The following RGS10 variants were observed in gnomAD, a reference collection of about 807,000 sequenced individuals.
The protein encoded by RGS10 is regulator of G-protein signalling 10.
In RGS10, 11 loss-of-function variants were observed where a neutral mutation model predicts 23.5. The ratio of observed to expected loss-of-function variants is 0.47; its 90% CI spans 0.29 to 0.77. The LOEUF (loss-of-function observed/expected upper bound fraction) is 0.77, where lower values mean the gene tolerates loss of function less well. Ranked by LOEUF, RGS10 falls within the 30% of genes least tolerant of loss-of-function variation. The pLI is 0.08. For missense variants in RGS10, 180 were observed against 226.3 expected (o/e 0.80, Z 1.31); for synonymous variants, 77 against 83.2 (o/e 0.92, Z 0.41).
chr10:119,532,258 C>G (rs534798186), intron 1 of RGS10, among the ~76,000 whole-genome samples: 1 of 152,150 alleles, frequency 6.6e-6, no homozygotes, highest in Non-Finnish European at 1.5e-5. Flanking sequence ...ACAGCATTTG[C>G]AAACTCCACT....
chr10:119,531,641 A>G (rs1278356976), intron 1 of RGS10, among the ~76,000 whole-genome samples: 1 of 152,078 alleles, frequency 6.6e-6, no homozygotes, highest in Non-Finnish European at 1.5e-5. Flanking sequence ...CACCTCCCCC[A>G]CCACCTCATT....
At chr10:119,521,634 G>GGAAGGAA (rs1844218739) in intron 3 of RGS10, among the ~76,000 whole-genome samples, 1 of 71,490 alleles carries the variant, frequency 1.4e-5, no homozygotes, top group African/African-American at 5.3e-5. Context: ...AAGAAAGGAA[G>GGAAGGAA]GAAGGAAGGA....
At chr10:119,522,658 C>T (rs1385693839) in intron 3 of RGS10, among the ~76,000 whole-genome samples, 1 of 147,834 alleles carries the variant, frequency 6.8e-6, no homozygotes, top group Non-Finnish European at 1.5e-5. Context: ...GCGGAGATTG[C>T]AGTGAGCAGA....
In RGS10 at chr10:119,500,343, C is replaced by G. The variant is rs536980273; in HGVS notation, c.400-84G>C. ...CCCATCAGATATGTATTAATACCTACCATGTGCCAAAGAATACTAACATGT... is the reference window on the plus strand; with the variant it reads ...CCCATCAGATATGTATTAATACCTAGCATGTGCCAAAGAATACTAACATGT... On this transcript the variant is annotated intron_variant, in intron 4 of 4. Transcript: ENST00000369103. 130 of 1,251,478 alleles carry G rather than the reference C, an allele frequency of 1.0e-4. 1 individual carries two copies. The South Asian group carries it at 1.9e-3, about 19-fold the overall frequency. The allele number at this position is 1,251,478 out of a possible 1,614,324, so 77.5% of individuals were successfully genotyped here.
In RGS10 at chr10:119,527,412, C is replaced by T; in HGVS notation, c.62G>A (p.Ser21Asn). The change falls in exon 2 of 5, where the codon AGC (serine) becomes AAC (asparagine). Residue 21 changes from serine to asparagine, a missense_variant. Transcript: ENST00000369103. The surrounding 1 kb of genome is among the most constrained non-coding windows in gnomAD (Gnocchi z 4.2). Reference sequence around the variant, plus strand: ...GTGGCTGCTGCTGGAACTGCCATCGCTGTCGTGGATGTCTGCAAAGCAAAG... The same window carrying T: ...GTGGCTGCTGCTGGAACTGCCATCGTTGTCGTGGATGTCTGCAAAGCAAAG... ...RKRPPSDIHD[S>N]DGSSSSSHQS... 6.2e-7 allele frequency: 1 copy of T among 1,614,080 alleles called. No homozygotes were observed. Among genetic ancestry groups the T allele is most frequent in the Non-Finnish European group, 8.5e-7 (1 of 1,179,890 alleles).
chr10:119,522,030 G>A (rs577869266), intron 3 of RGS10, among the ~76,000 whole-genome samples: 1 of 152,204 alleles, frequency 6.6e-6, no homozygotes, highest in African/African-American at 2.4e-5. Flanking sequence ...ATGAGGGAAT[G>A]ACTCAGGAGA....
At chr10:119,541,242 A>G (rs907722238) in intron 1 of RGS10, among the ~76,000 whole-genome samples, 2 of 152,186 alleles carry the variant, frequency 1.3e-5, no homozygotes, top group African/African-American at 4.8e-5. Context: ...TGCCAACCAT[A>G]GAGACTGGTT....
At chr10:119,518,477 G>T (rs10886505) in intron 3 of RGS10, among the ~76,000 whole-genome samples, 56,698 of 151,998 alleles carry the variant, frequency 0.37, 11,562 homozygotes, top group African/African-American at 0.55. Flanking sequence ...TCTCGAACCC[G>T]GCTCCCTGCA....
chr10:119,518,917 G>C lies in RGS10; in HGVS notation c.256-3265C>G, dbSNP rs766740717. On this transcript the variant is annotated intron_variant, in intron 3 of 4. Transcript: ENST00000369103. The stretch of plus-strand genomic sequence containing the variant: ...GACGGGGTTTCACCATGTTGGCCAG[G>C]CTGCTCTCGAACTCCCAGCCTCAAG... Among the ~76,000 whole-genome samples the C allele has an allele frequency of 4.9e-4, 74 of 152,154 alleles. 3 individuals carry two copies. Among genetic ancestry groups the C allele is most frequent in the Non-Finnish European group, 2.1e-4 (14 of 68,024 alleles).
chr10:119,527,339 C>A lies in RGS10; in HGVS notation c.135G>T (p.Leu45=), dbSNP rs1844286991. Residue 45 remains leucine (L), a synonymous_variant, in exon 2 of 5, where the codon CTG becomes CTT. Transcript: ENST00000369103. This position sits in a 1 kb window ranked among gnomAD's most constrained non-coding sequence, Gnocchi z 4.2. ...TAKWAASLEN[L]LEDPEGVKRF... is the part of the protein sequence containing the mutation. Reference sequence around the variant, plus strand: ...TTTTCACGCCTTCTGGGTCTTCCAGCAGATTCTCCAGGGATGCCGCCCATT... The same window carrying A: ...TTTTCACGCCTTCTGGGTCTTCCAGAAGATTCTCCAGGGATGCCGCCCATT... 10 of 1,614,160 alleles carry A rather than the reference C, an allele frequency of 6.2e-6. No individual in the cohort carries two copies. The highest frequency in any genetic ancestry group is 8.5e-6 in the Non-Finnish European group (10 of 1,179,984).
chr10:119,525,943 A>G, intron 3 of RGS10, 89 bp downstream of exon 3: 1 of 619,002 alleles, frequency 1.6e-6, no homozygotes, highest in Non-Finnish European at 2.8e-6. Flanking sequence ...AACTAATATG[A>G]ATCAGGTTTC....
chr10:119,531,475 G>A, intron 1 of RGS10, among the ~76,000 whole-genome samples: 1 of 152,180 alleles, frequency 6.6e-6, no homozygotes, highest in East Asian at 1.9e-4. Context: ...AAATGTCTGA[G>A]AGTTAAAAGA....
chr10:119,514,447 C>T (rs754649361), intron 4 of RGS10, among the ~76,000 whole-genome samples: 4 of 152,022 alleles, frequency 2.6e-5, no homozygotes, highest in Non-Finnish European at 4.4e-5. Context: ...CACTTGAGGT[C>T]AGGAGTTCGA....
At chr10:119,521,627 A>G (rs7075158) in intron 3 of RGS10, among the ~76,000 whole-genome samples, 8 of 119,852 alleles carry the variant, frequency 6.7e-5, no homozygotes, top group African/African-American at 2.4e-4. Context: ...GGAAGGAAAG[A>G]AAGGAAGGAA....
chr10:119,532,263 T>G (rs185341647), intron 1 of RGS10, among the ~76,000 whole-genome samples: 1 of 152,172 alleles, frequency 6.6e-6, no homozygotes, highest in Admixed American at 6.5e-5. Flanking sequence ...ATTTGCAAAC[T>G]CCACTCACCC....
At chr10:119,521,627 A>AAAGGAAGG (rs3064538) in intron 3 of RGS10, among the ~76,000 whole-genome samples, 63,621 of 119,032 alleles carry the variant, frequency 0.53, 17,607 homozygotes, top group South Asian at 0.64. Context: ...GGAAGGAAAG[A>AAAGGAAGG]AAGGAAGGAA....
intron 1 of RGS10, among the ~76,000 whole-genome samples, chr10:119,530,189 A>G (rs1278156061): frequency 6.6e-6 from 1 of 152,220 alleles, no homozygotes; most frequent in East Asian, 1.9e-4. Flanking sequence ...GCAAACAGCT[A>G]GGGGGCCACA....
rs1431854344 is a variant in RGS10 at position 119,499,909 on chromosome 10, T to C, written c.*204A>G. ...GAATCTCTGTTTTGTAAACTAAAAC[T>C]TCCAAGTTATTATTATTCTTTTTTT... On this transcript the variant is annotated 3_prime_UTR_variant, in exon 5 of 5. Transcript: ENST00000369103. The C allele has an allele frequency of 5.8e-6, 3 of 520,342 alleles. No homozygotes were observed. Among genetic ancestry groups the C allele is most frequent in the Non-Finnish European group, 1.0e-5 (3 of 301,322 alleles). 32.2% of individuals were successfully genotyped at this position (520,342 alleles called of 1,614,324 possible). A position where few individuals can be genotyped will look rare whatever the true frequency, so the allele number is the denominator to read the frequency against.
chr10:119,510,776 T>G (rs1048157220), intron 4 of RGS10, among the ~76,000 whole-genome samples: 1 of 152,192 alleles, frequency 6.6e-6, no homozygotes, highest in Non-Finnish European at 1.5e-5. Context: ...TAGAGTTGAA[T>G]GGTGCAATCT....
Sources: allele counts gnomAD v4.1 joint callset (sites outside exome capture counted in the v4.1 genomes callset), GRCh38; gene constraint gnomAD v4.1.1; non-coding constraint Gnocchi (gnomAD v3.1); transcripts MANE v1.5; gene names NCBI Gene and HGNC (gene_info 2026-07-23, HGNC 2026-07-21).